Variants in SLC2A10 observed in about 807,000 individuals in gnomAD.
SLC2A10 encodes solute carrier family 2, facilitated glucose transporter member 10.
SLC2A10 carries 25 observed loss-of-function variants against 32.1 expected under a neutral mutation model. The ratio of observed to expected loss-of-function variants is 0.78; its 90% CI spans 0.57 to 1.09. SLC2A10 has a LOEUF of 1.09. SLC2A10 is among the 50% of genes least tolerant of loss of function. The pLI is 0.00. For missense variants in SLC2A10, 673 were observed against 686.5 expected, an observed-to-expected ratio of 0.98 and a Z score of 0.22; for synonymous variants, 332 against 309.6, an observed-to-expected ratio of 1.07 and a Z score of -0.76.
intron 4 of SLC2A10, among the ~76,000 whole-genome samples, chr20:46,733,289 C>T (rs1391672335): frequency 2.0e-5 from 3 of 152,132 alleles, no homozygotes; most frequent in African/African-American, 7.2e-5. Flanking sequence ...TGGTGCTGCA[C>T]ACTTTTAAAT....
Position 46,710,857 on chromosome 20 carries a change from C to T in SLC2A10, c.4+1117C>T, listed in dbSNP as rs189599245. ...GAAGGGTTTTAAGCTGGAGCGGGGC[C>T]GTGACCTGAATTATCTTTTCTTTTT... On this transcript the variant is annotated intron_variant, in intron 1 of 4. Coordinates refer to ENST00000359271, the MANE Select transcript of SLC2A10 (RefSeq NM_030777.4). Among the ~76,000 whole-genome samples the T allele has an allele frequency of 1.8e-3, 276 of 151,912 alleles. 2 individuals carry two copies. The highest frequency in any genetic ancestry group is 6.1e-3 in the African/African-American group (254 of 41,378).
intron 1 of SLC2A10, among the ~76,000 whole-genome samples, chr20:46,715,905 C>T (rs1311888170): frequency 1.3e-5 from 2 of 152,140 alleles, no homozygotes; most frequent in African/African-American, 4.8e-5. Context: ...GATCATAGCT[C>T]ACTGTAACCT....
In SLC2A10 at chr20:46,725,109, G is replaced by T. The variant is rs1979802053; in HGVS notation, c.73G>T (p.Glu25Ter). 1 of 1,614,088 alleles carries T rather than the reference G, an allele frequency of 6.2e-7. No homozygotes were observed. The highest frequency in any genetic ancestry group is 1.1e-5 in the South Asian group (1 of 91,084). Residue 25 changes from glutamate to a stop codon, truncating the protein, a stop_gained, in exon 2 of 5, where the codon GAA becomes TAA. Coordinates refer to ENST00000359271, the MANE Select transcript of SLC2A10 (RefSeq NM_030777.4). LOFTEE classifies it high-confidence loss of function. ...GCTGGGTGGCCTGACCTTTGGTTAT[G>T]AACTGGCAGTCATATCAGGTGCCCT... is the stretch of plus-strand genomic sequence containing the variant. ...SLLGGLTFGY[E>*]LAVISGALLP...
intron 1 of SLC2A10, 142 bp from the exon 2 acceptor site, chr20:46,724,899 T>TGGATGGAC: frequency 9.8e-7 from 1 of 1,019,576 alleles, no homozygotes; most frequent in Non-Finnish European, 1.5e-6. Context: ...GATGGATGGA[T>TGGATGGAC]GGATGGTTTG....
At chr20:46,722,255 CA>C (rs770302900) in intron 1 of SLC2A10, among the ~76,000 whole-genome samples, 1 of 152,080 alleles carries the variant, frequency 6.6e-6, no homozygotes, top group Non-Finnish European at 1.5e-5. Context: ...CAGGTCTATG[CA>C]AACCTACCTC....
chr20:46,729,288 T>A, intron 3 of SLC2A10, 65 bp from the exon 4 acceptor site: 1 of 1,604,836 alleles, frequency 6.2e-7, no homozygotes, highest in Non-Finnish European at 8.5e-7. Flanking sequence ...AACCTACCAG[T>A]TGGCCCAGGC....
chr20:46,712,473 C>T (rs895505384), intron 1 of SLC2A10, among the ~76,000 whole-genome samples: 10 of 152,152 alleles, frequency 6.6e-5, no homozygotes, highest in African/African-American at 9.7e-5. Context: ...CAGCGAGGGG[C>T]TTAGAGGATT....
intron 1 of SLC2A10, 73 bp downstream of exon 1, chr20:46,709,813 C>T: frequency 1.3e-6 from 2 of 1,520,284 alleles, no homozygotes; most frequent in Non-Finnish European, 1.8e-6. Flanking sequence ...CCCCACGCTC[C>T]CCTAAGAGTG....
intron 1 of SLC2A10, 119 bp downstream of exon 1, chr20:46,709,859 G>A (rs1978805285): frequency 1.6e-6 from 2 of 1,274,026 alleles, no homozygotes; most frequent in Admixed American, 4.1e-5. Flanking sequence ...GCCCCGGCCG[G>A]ATACCGCCTC....
chr20:46,733,053 A>T (rs1980378922), intron 4 of SLC2A10, among the ~76,000 whole-genome samples: 1 of 152,152 alleles, frequency 6.6e-6, no homozygotes, highest in African/African-American at 2.4e-5. Context: ...GCTGAGCATG[A>T]TGATGGTCTC....
At chr20:46,733,164 G>T (rs146007392) in intron 4 of SLC2A10, among the ~76,000 whole-genome samples, 1 of 152,200 alleles carries the variant, frequency 6.6e-6, no homozygotes, top group Non-Finnish European at 1.5e-5. Flanking sequence ...TCTGCACTCT[G>T]TACAGGAAGA....
intron 1 of SLC2A10, among the ~76,000 whole-genome samples, chr20:46,724,555 T>C (rs957865792): frequency 6.6e-6 from 1 of 151,908 alleles, no homozygotes; most frequent in Non-Finnish European, 1.5e-5. Context: ...GGTGGTTGAA[T>C]AGATGGAGTG....
chr20:46,723,467 T>C (rs1979673012), intron 1 of SLC2A10, among the ~76,000 whole-genome samples: 1 of 152,212 alleles, frequency 6.6e-6, no homozygotes, highest in African/African-American at 2.4e-5. Context: ...TGAATGGACA[T>C]TGATTGGGCC....
intron 4 of SLC2A10, among the ~76,000 whole-genome samples, chr20:46,733,239 G>T (rs191440076): frequency 6.6e-6 from 1 of 152,154 alleles, no homozygotes; most frequent in African/African-American, 2.4e-5. Flanking sequence ...GGCGGAAGGC[G>T]AAGGGCAGCC....
At position 46,725,539 on chromosome 20, in the gene SLC2A10, T is replaced by A; in HGVS notation, c.503T>A (p.Phe168Tyr). The change falls in exon 2 of 5, where the codon TTC (phenylalanine) becomes TAC (tyrosine). Residue 168 changes from phenylalanine (F) to tyrosine (Y), a missense_variant. Coordinates refer to ENST00000359271, the MANE Select transcript of SLC2A10 (RefSeq NM_030777.4). ...AGTPWGWRHMFGWATAPAVLQ... is the reference protein window; with the variant it reads ...AGTPWGWRHMYGWATAPAVLQ... ...ACCCCCTGGGGATGGAGGCACATGT[T>A]CGGCTGGGCCACTGCACCTGCTGTC... The A allele has an allele frequency of 6.2e-7, 1 of 1,614,142 alleles. No homozygotes were observed.
chr20:46,727,584 G>C (rs1321516957), intron 3 of SLC2A10, among the ~76,000 whole-genome samples: 2 of 152,170 alleles, frequency 1.3e-5, no homozygotes, highest in Non-Finnish European at 2.9e-5. Flanking sequence ...CCAAAGTGCT[G>C]GGATTACGGG....
intron 1 of SLC2A10, among the ~76,000 whole-genome samples, chr20:46,712,697 A>C (rs1979001511): frequency 8.8e-6 from 1 of 113,700 alleles, no homozygotes; most frequent in Non-Finnish European, 1.6e-5. Flanking sequence ...TCTGTCATCT[A>C]GGCTAGAGTG....
Position 46,735,420 on chromosome 20 carries a change from A to T in SLC2A10, c.*1586A>T, listed in dbSNP as rs1216536368. 6.6e-6 allele frequency: 1 copy of T among 152,638 alleles called. No homozygotes were observed. Among genetic ancestry groups the T allele is most frequent in the Non-Finnish European group, 1.5e-5 (1 of 68,046 alleles). The allele number at this position is 152,638 out of a possible 1,614,324, so 9.5% of individuals were successfully genotyped here. ...CACAGCCATTATAAAAAATTAAATG[A>T]TTTAAATTTATAATTAAGTAAATTA... On this transcript the variant is annotated 3_prime_UTR_variant, in exon 5 of 5. Transcript: ENST00000359271.
upstream of SLC2A10, among the ~76,000 whole-genome samples, chr20:46,708,931 T>G (rs1335989664): frequency 6.6e-6 from 1 of 152,228 alleles, no homozygotes; most frequent in African/African-American, 2.4e-5. Context: ...AGATATCCTC[T>G]TCTCAGATCA....
Sources: allele counts gnomAD v4.1 joint callset (sites outside exome capture counted in the v4.1 genomes callset), GRCh38; gene constraint gnomAD v4.1.1; transcripts MANE v1.5; gene names NCBI Gene and HGNC (gene_info 2026-07-23, HGNC 2026-07-21).